Variants in PTDSS1 observed in about 807,000 individuals in gnomAD.
PTDSS1 encodes the protein PSS-1.
Under a neutral mutation model 70.5 loss-of-function variants are expected in PTDSS1, and 45 were observed. The observed-to-expected ratio is 0.64, with a 90% CI of 0.50 to 0.82. The LOEUF is 0.82. Among genes scored for constraint, PTDSS1 ranks in the 40% least tolerant of loss-of-function variants. The pLI is 0.00. For missense variants in PTDSS1, 417 were observed against 586.1 expected (o/e 0.71, Z 2.98); for synonymous variants, 188 against 203.8 (o/e 0.92, Z 0.66).
chr8:96,318,728 C>G (rs1811330399), intron 9 of PTDSS1, among the ~76,000 whole-genome samples: 1 of 152,112 alleles, frequency 6.6e-6, no homozygotes, highest in Non-Finnish European at 1.5e-5. Context: ...CCCAGACTCT[C>G]TAAAGACAAA....
Position 96,262,290 on chromosome 8 carries a change from A to AGGGGGGGGGGGGGGGT in PTDSS1, c.179+77_179+78insGGGGGGGGGTGGGGGG. The stretch of plus-strand genomic sequence containing the variant: ...AGAGGCGGGAGGGAGGGTGGCGGGG[A>AGGGGGGGGGGGGGGGT]GGGGGGCCCGGCATGGCTCTGGGTG... On this transcript the variant is annotated intron_variant, in intron 1 of 12. Transcript: ENST00000517309. The surrounding 1 kb of genome is among the most constrained non-coding windows in gnomAD (Gnocchi z 4.4). 1 of 387,406 alleles carries AGGGGGGGGGGGGGGGT rather than the reference A, an allele frequency of 2.6e-6. No homozygotes were observed. Among genetic ancestry groups the AGGGGGGGGGGGGGGGT allele is most frequent in the East Asian group, 7.5e-5 (1 of 13,388 alleles). The allele number at this position is 387,406 out of a possible 1,614,324, so 24.0% of individuals were successfully genotyped here.
chr8:96,325,323 C>T (rs1045344080), intron 10 of PTDSS1, among the ~76,000 whole-genome samples: 1 of 152,138 alleles, frequency 6.6e-6, no homozygotes, highest in South Asian at 2.1e-4. Flanking sequence ...ATTAGACATG[C>T]AAACTAATTA....
chr8:96,287,205 G>A, intron 4 of PTDSS1, 59 bp downstream of exon 4: 1 of 1,569,972 alleles, frequency 6.4e-7, no homozygotes, highest in Non-Finnish European at 8.7e-7. Context: ...GGGTGTAAGA[G>A]GTAATAGACT....
rs116763139 is a variant in PTDSS1 at position 96,328,612 on chromosome 8, T to C, written c.1174-1601T>C. ...TGTGCTTCTCACTCTCTCTCCACGC[T>C]GCCACTGTTCCTGCTTCCACGTAAC... On this transcript the variant is annotated intron_variant, in intron 10 of 12. Transcript: ENST00000517309. Among the ~76,000 whole-genome samples the C allele has an allele frequency of 3.7e-3, 570 of 152,344 alleles. 3 individuals are homozygous for C. The highest frequency in any genetic ancestry group is 0.013 in the African/African-American group (538 of 41,578).
chr8:96,328,552 G>T (rs922654246), intron 10 of PTDSS1, among the ~76,000 whole-genome samples: 2 of 152,180 alleles, frequency 1.3e-5, no homozygotes, highest in Non-Finnish European at 2.9e-5. Flanking sequence ...CAGTTTGCAC[G>T]TGGGTTTAGT....
At chr8:96,330,135 G>T (rs1811492940) in intron 10 of PTDSS1, 78 bp from the exon 11 acceptor site, 1 of 1,348,136 alleles carries the variant, frequency 7.4e-7, no homozygotes, top group Non-Finnish European at 1.1e-6. Context: ...GAACGGTCCT[G>T]CATTGATTCC....
chr8:96,333,431 CG>C, intron 12 of PTDSS1, 25 bp from the exon 13 acceptor site: 1 of 1,580,446 alleles, frequency 6.3e-7, no homozygotes, highest in Non-Finnish European at 8.7e-7. Context: ...CCCAGGGTGA[CG>C]GTGTGCTCTG....
chr8:96,332,235 T>C (rs563770571), intron 12 of PTDSS1, among the ~76,000 whole-genome samples: 1 of 152,276 alleles, frequency 6.6e-6, no homozygotes, highest in East Asian at 1.9e-4. Flanking sequence ...TGTAGAATAA[T>C]GACATTGAGG....
In PTDSS1 at chr8:96,284,171, A is replaced by T; in HGVS notation, c.316+18A>T. 6.3e-7 allele frequency: 1 copy of T among 1,580,228 alleles called. No homozygotes were observed. The highest frequency in any genetic ancestry group is 8.7e-7 in the Non-Finnish European group (1 of 1,153,164). ...GGTTTTTGGTGAGTTTATATTAGCA[A>T]TGTAAAAGGATGTTCTATTTTTTTA... On this transcript the variant is annotated intron_variant, in intron 3 of 12. Coordinates refer to ENST00000517309, the MANE Select transcript of PTDSS1 (RefSeq NM_014754.3).
chr8:96,305,833 G>T (rs1366760378), intron 7 of PTDSS1, among the ~76,000 whole-genome samples: 1 of 151,972 alleles, frequency 6.6e-6, no homozygotes, highest in African/African-American at 2.4e-5. Context: ...GATTACAGGC[G>T]CCCACCACCA....
At position 96,330,240 on chromosome 8, in the gene PTDSS1, G is replaced by A. The variant is rs561447654; in HGVS notation, c.1201G>A (p.Gly401Ser). 120 of 1,612,846 alleles carry A rather than the reference G, an allele frequency of 7.4e-5. No individual in the cohort carries two copies. Among genetic ancestry groups the A allele is most frequent in the Non-Finnish European group, 9.3e-5 (110 of 1,179,296 alleles). The stretch of plus-strand genomic sequence containing the variant: ...TTTCACCACTTTCCTCTGTCTGTAC[G>A]GCATGATTTGGTATGCAGAACACTA... ...VAFTTFLCLY[G>S]MIWYAEHYGH... is the part of the protein sequence containing the mutation. Residue 401 changes from glycine (G) to serine (S), a missense_variant, in exon 11 of 13, where the codon GGC becomes AGC. Physicochemically the swap from Gly to Ser is moderately conservative, Grantham distance 56. Transcript: ENST00000517309.
At chr8:96,318,903 T>C (rs1185600707) in intron 9 of PTDSS1, among the ~76,000 whole-genome samples, 1 of 15,622 alleles carries the variant, frequency 6.4e-5, no homozygotes, top group South Asian at 2.5e-3. Flanking sequence ...CCTTCTTGCC[T>C]TTTTTTTTTT....
intron 6 of PTDSS1, among the ~76,000 whole-genome samples, chr8:96,300,446 C>T (rs1413104520): frequency 6.6e-6 from 1 of 152,182 alleles, no homozygotes; most frequent in African/African-American, 2.4e-5. Context: ...GCTGACTTAG[C>T]TCACTTGCCA....
chr8:96,325,370 C>T (rs1225648333), intron 10 of PTDSS1, among the ~76,000 whole-genome samples: 1 of 152,152 alleles, frequency 6.6e-6, no homozygotes, highest in Non-Finnish European at 1.5e-5. Context: ...AGATTGTGTG[C>T]ATAAGGCTAA....
chr8:96,273,225 T>C lies in PTDSS1; in HGVS notation c.180-74T>C, dbSNP rs146293672. On this transcript the variant is annotated intron_variant, in intron 1 of 12. Coordinates refer to ENST00000517309, the MANE Select transcript of PTDSS1 (RefSeq NM_014754.3). Reference sequence around the variant, plus strand: ...TGGCAGTCCCCCAGTTTTTAGAACATGGAAATCTTCCTTCCTCTAGGTTTT... The same window carrying C: ...TGGCAGTCCCCCAGTTTTTAGAACACGGAAATCTTCCTTCCTCTAGGTTTT... 10,742 of 1,109,176 alleles carry C rather than the reference T, an allele frequency of 9.7e-3. 62 individuals are homozygous for C. The highest frequency in any genetic ancestry group is 0.012 in the Non-Finnish European group (9,344 of 783,812). The allele number at this position is 1,109,176 out of a possible 1,614,324, so 68.7% of individuals were successfully genotyped here.
At chr8:96,321,468 C>A (rs188996216) in intron 10 of PTDSS1, among the ~76,000 whole-genome samples, 17 of 152,312 alleles carry the variant, frequency 1.1e-4, no homozygotes, top group Non-Finnish European at 2.2e-4. Flanking sequence ...GTCTCTGAAT[C>A]CATAGGTTTT....
rs1269160280 is a variant in PTDSS1, at chr8:96,295,205, C to T, written c.549C>T (p.Ile183=). ...FWGWAMKALL[I]RSYGLCWTIS... is the part of the protein sequence containing the mutation. Reference sequence around the variant, plus strand: ...GCTGGGCCATGAAGGCCTTGCTGATCCGTAGTTACGGTCTCTGCTGGACAA... The same window carrying T: ...GCTGGGCCATGAAGGCCTTGCTGATTCGTAGTTACGGTCTCTGCTGGACAA... Residue 183 remains isoleucine (I), a synonymous_variant, in exon 5 of 13, where the codon ATC becomes ATT. Transcript: ENST00000517309. 1 of 1,614,090 alleles carries T rather than the reference C, an allele frequency of 6.2e-7. No homozygotes were observed. The highest frequency in any genetic ancestry group is 8.5e-7 in the Non-Finnish European group (1 of 1,180,000).
At chr8:96,294,058 C>T (rs1376166558) in intron 4 of PTDSS1, among the ~76,000 whole-genome samples, 1 of 152,122 alleles carries the variant, frequency 6.6e-6, no homozygotes, top group South Asian at 2.1e-4. Context: ...CTCTTTTCTC[C>T]AGATTTCCCA....
At chr8:96,265,803 A>C (rs1366120183) in intron 1 of PTDSS1, among the ~76,000 whole-genome samples, 2 of 152,368 alleles carry the variant, frequency 1.3e-5, no homozygotes, top group South Asian at 2.1e-4. Flanking sequence ...ACATTTTAGA[A>C]TAAGTAGGCT....
Sources: gnomAD v4.1 joint callset for allele counts (sites outside exome capture counted in the v4.1 genomes callset) on GRCh38, gnomAD v4.1.1 for gene constraint, Gnocchi (gnomAD v3.1) non-coding constraint, MANE v1.5 for transcripts, NCBI Gene and HGNC (gene_info 2026-07-23, HGNC 2026-07-21) for gene names.